CREBBP: variants seen among roughly 807,000 people sequenced by gnomAD.
CREBBP encodes CREB binding lysine acetyltransferase.
CREBBP carries 19 observed loss-of-function variants against 265.0 expected under a neutral mutation model. The observed-to-expected ratio is 0.07, with a 90% CI of 0.05 to 0.11. The LOEUF is 0.11. CREBBP is among the 10% of genes least tolerant of loss of function. CREBBP has a pLI of 1.00. For missense variants in CREBBP, 2,525 were observed against 3,219.0 expected (o/e 0.78, Z 5.22); for synonymous variants, 1,457 against 1,223.7 (o/e 1.19, Z -3.98).
chr16:3,764,062 T>C (rs2052787982), intron 16 of CREBBP, among the ~76,000 whole-genome samples: 2 of 152,126 alleles, frequency 1.3e-5, no homozygotes, highest in Admixed American at 6.5e-5. Flanking sequence ...TCTACTGTTA[T>C]CACACACACT....
chr16:3,736,897 G>T, intron 26 of CREBBP, 82 bp from the exon 27 acceptor site: 1 of 1,538,598 alleles, frequency 6.5e-7, no homozygotes, highest in Admixed American at 1.7e-5. Flanking sequence ...AGAGGAGCAA[G>T]GACTAAAGCC....
At chr16:3,816,961 A>G (rs1315761980) in intron 2 of CREBBP, among the ~76,000 whole-genome samples, 1 of 152,200 alleles carries the variant, frequency 6.6e-6, no homozygotes, top group African/African-American at 2.4e-5. Context: ...CAATGGCTGG[A>G]GGGGGCATCG....
intron 28 of CREBBP, among the ~76,000 whole-genome samples, chr16:3,733,570 T>G (rs1185597304): frequency 6.6e-6 from 1 of 152,216 alleles, no homozygotes; most frequent in African/African-American, 2.4e-5. Flanking sequence ...GGTAAGACAT[T>G]AGTAACAGGA....
At position 3,725,883 on chromosome 16, in the gene CREBBP, G is replaced by A. The variant is rs1293545369; in HGVS notation, c.*1835C>T. 2 of 233,042 alleles carry A rather than the reference G, an allele frequency of 8.6e-6. No homozygotes were observed. The highest frequency in any genetic ancestry group is 2.2e-5 in the African/African-American group (1 of 45,340). The allele number at this position is 233,042 out of a possible 1,614,324, so 14.4% of individuals were successfully genotyped here. ...TTGTTGGGGGACTAGGGATAAAGTG[G>A]GTTCTCTGGGTGCTGGGGGTGGTAG... On this transcript the variant is annotated 3_prime_UTR_variant, in exon 31 of 31. Coordinates refer to ENST00000262367, the MANE Select transcript of CREBBP (RefSeq NM_004380.3).
Position 3,769,649 on chromosome 16 carries a change from A to C in CREBBP, c.2881-296T>G, listed in dbSNP as rs538575855. ...TTTTCTAGCTAAATCATGAAATCTCATATTTTGAAATTAATTCCCTTCAAT... is the reference window on the plus strand; with the variant it reads ...TTTTCTAGCTAAATCATGAAATCTCCTATTTTGAAATTAATTCCCTTCAAT... On this transcript the variant is annotated intron_variant, in intron 14 of 30. Transcript: ENST00000262367. Among the ~76,000 whole-genome samples the C allele has an allele frequency of 1.5e-4, 23 of 152,282 alleles. No individual in the cohort carries two copies. The East Asian group carries it at 4.2e-3, about 28-fold the overall frequency.
intron 8 of CREBBP, among the ~76,000 whole-genome samples, chr16:3,779,273 A>G (rs2053219814): frequency 6.6e-6 from 1 of 152,108 alleles, no homozygotes; most frequent in Non-Finnish European, 1.5e-5. Flanking sequence ...TCCTGGGCTC[A>G]ATGATCTTCC....
intron 5 of CREBBP, among the ~76,000 whole-genome samples, chr16:3,786,655 G>A (rs1459324387): frequency 6.6e-6 from 1 of 152,218 alleles, no homozygotes; most frequent in African/African-American, 2.4e-5. Context: ...GTGCTTGCGG[G>A]AGGCGAAACT....
At chr16:3,878,110 A>C (rs993159224) in intron 1 of CREBBP, among the ~76,000 whole-genome samples, 7 of 152,222 alleles carry the variant, frequency 4.6e-5, no homozygotes, top group Non-Finnish European at 2.9e-5. Context: ...TTTTTAAGAC[A>C]AAATCTACAA....
chr16:3,768,597 AG>A (rs1454899549), intron 15 of CREBBP, among the ~76,000 whole-genome samples: 1 of 152,230 alleles, frequency 6.6e-6, no homozygotes, highest in African/African-American at 2.4e-5. Context: ...GGTATGAGAC[AG>A]GAAGGAGCAG....
chr16:3,843,158 G>A (rs768429811), intron 2 of CREBBP, among the ~76,000 whole-genome samples: 5 of 152,112 alleles, frequency 3.3e-5, no homozygotes, highest in African/African-American at 7.2e-5. Context: ...CATTGCATTA[G>A]TGTTAACAGG....
chr16:3,783,690 G>A (rs1362369790), intron 5 of CREBBP, among the ~76,000 whole-genome samples: 2 of 152,234 alleles, frequency 1.3e-5, no homozygotes, highest in African/African-American at 4.8e-5. Context: ...CAGCACCTCT[G>A]ATATTCAGGA....
At chr16:3,805,186 T>C (rs1444186777) in intron 3 of CREBBP, among the ~76,000 whole-genome samples, 1 of 152,250 alleles carries the variant, frequency 6.6e-6, no homozygotes, top group Non-Finnish European at 1.5e-5. Context: ...AAGATACAGA[T>C]GGAGTCAATA....
chr16:3,758,189 G>A, intron 17 of CREBBP, 141 bp from the exon 18 acceptor site: 5 of 897,910 alleles, frequency 5.6e-6, no homozygotes, highest in Non-Finnish European at 8.4e-6. Context: ...AATAGGAAAT[G>A]AAAAGAAAAT....
intron 21 of CREBBP, among the ~76,000 whole-genome samples, chr16:3,749,007 C>T (rs888358615): frequency 2.0e-5 from 3 of 152,206 alleles, no homozygotes; most frequent in African/African-American, 7.2e-5. Context: ...ATTAGCCAGG[C>T]GTGGTGGTGG....
At chr16:3,871,933 T>C (rs1224120688) in intron 1 of CREBBP, among the ~76,000 whole-genome samples, 1 of 152,176 alleles carries the variant, frequency 6.6e-6, no homozygotes, top group South Asian at 2.1e-4. Context: ...ACAGTACAAC[T>C]AGAAATGGGA....
At chr16:3,843,827 C>G (rs553219350) in intron 2 of CREBBP, among the ~76,000 whole-genome samples, 2 of 152,186 alleles carry the variant, frequency 1.3e-5, no homozygotes, top group South Asian at 4.2e-4. Flanking sequence ...AATTCCAAAT[C>G]GATTTAAACT....
rs140133512 is a variant in CREBBP at position 3,739,645 on chromosome 16, C to T, written c.4213G>A (p.Val1405Met). Residue 1405 changes from valine to methionine, a missense_variant, in exon 25 of 31, where the codon GTG becomes ATG. Physicochemically the swap from Val to Met is conservative, Grantham distance 21 (BLOSUM62 1). This residue lies in a region of CREBBP where 252 missense variants were observed against 452.5 expected (regional missense o/e 0.56). Coordinates refer to ENST00000262367, the MANE Select transcript of CREBBP (RefSeq NM_004380.3). ...ALFAFEEIDG[V>M]DVCFFGMHVQ... ...TGCATTCCAAAAAAGCAGACATCCA[C>T]GCCGTCAATTTCCTCAAAAGCAAAC... is the stretch of plus-strand genomic sequence containing the variant. The T allele has an allele frequency of 5.0e-6, 8 of 1,614,082 alleles. No individual in the cohort carries two copies. The highest frequency in any genetic ancestry group is 2.2e-5 in the East Asian group (1 of 44,904).
intron 25 of CREBBP, among the ~76,000 whole-genome samples, 157 bp from the exon 26 acceptor site, chr16:3,738,829 T>C (rs1286181933): frequency 6.6e-6 from 1 of 152,194 alleles, no homozygotes; most frequent in Non-Finnish European, 1.5e-5. Context: ...CACTGCAACC[T>C]CAACCTCATG....
rs1310313640 is a variant in CREBBP, at chr16:3,736,788, A to G, written c.4422T>C (p.Cys1474=). The stretch of plus-strand genomic sequence containing the variant: ...TGTAATCATCTCCTTCACTTGGAGG[A>G]CAGGCCCAGATGTGCCCTGTCACAT... ...LGYVTGHIWA[C]PPSEGDDYIF... is the part of the protein sequence containing the mutation. Residue 1474 remains cysteine (C), a synonymous_variant, in exon 27 of 31, where the codon TGT becomes TGC. Transcript: ENST00000262367. 1.5e-5 allele frequency: 24 copies of G among 1,614,100 alleles called. No individual in the cohort carries two copies. In the East Asian group the frequency reaches 5.1e-4, roughly 34 times the overall value.
Sources: allele counts gnomAD v4.1 joint callset (sites outside exome capture counted in the v4.1 genomes callset), GRCh38; gene constraint gnomAD v4.1.1; regional missense constraint gnomAD v4.1.1; transcripts MANE v1.5; gene names NCBI Gene and HGNC (gene_info 2026-07-23, HGNC 2026-07-21).